The following MDGA2 variants were observed in gnomAD, a reference collection of about 807,000 sequenced individuals.
MDGA2 encodes MAM domain containing glycosylphosphatidylinositol anchor 2.
A neutral mutation model predicts 117.8 loss-of-function variants in MDGA2; 40 were observed. The observed-to-expected ratio is 0.34, with a 90% CI of 0.26 to 0.44. The LOEUF is 0.44. Ranked by LOEUF, MDGA2 falls within the 20% of genes least tolerant of loss-of-function variation. MDGA2 has a pLI of 1.00. For missense variants in MDGA2, 1,123 were observed against 1,250.6 expected, an observed-to-expected ratio of 0.90 and a Z score of 1.54; for synonymous variants, 452 against 439.0, an observed-to-expected ratio of 1.03 and a Z score of -0.37.
rs145256696 is a variant in MDGA2 at position 47,537,659 on chromosome 14, T to A, written c.280+136858A>T. Among the ~76,000 whole-genome samples the A allele has an allele frequency of 5.4e-3, 784 of 144,942 alleles. 9 individuals carry two copies. Among genetic ancestry groups the A allele is most frequent in the African/African-American group, 0.019 (745 of 39,740 alleles). ...TTGTTACAGTACTAAATGTGTCACA[T>A]TACTGTTTAAATTCATCAGAGACAG... On this transcript the variant is annotated intron_variant, in intron 1 of 16. Coordinates refer to ENST00000399232, the MANE Select transcript of MDGA2 (RefSeq NM_001113498.3).
chr14:47,363,051 T>C (rs1891157527), intron 1 of MDGA2, among the ~76,000 whole-genome samples: 1 of 152,184 alleles, frequency 6.6e-6, no homozygotes, highest in Non-Finnish European at 1.5e-5. Flanking sequence ...CTCTTTTCTT[T>C]CCCTTATGAA....
chr14:47,659,366 G>A (rs980140211), intron 1 of MDGA2, among the ~76,000 whole-genome samples: 1 of 152,178 alleles, frequency 6.6e-6, no homozygotes, highest in African/African-American at 2.4e-5. Flanking sequence ...TGTTGGGAGG[G>A]TGACAGCTAT....
chr14:46,883,411 C>T (rs1010976939), intron 10 of MDGA2, among the ~76,000 whole-genome samples: 1 of 151,778 alleles, frequency 6.6e-6, no homozygotes, highest in Non-Finnish European at 1.5e-5. Context: ...AAACTATGAA[C>T]ATGCTAGGAA....
intron 6 of MDGA2, among the ~76,000 whole-genome samples, chr14:47,074,344 A>G (rs1481330786): frequency 6.6e-6 from 1 of 150,538 alleles, no homozygotes; most frequent in East Asian, 2.0e-4. Context: ...TCTGTCACCC[A>G]GGCTGGAGTG....
intron 1 of MDGA2, among the ~76,000 whole-genome samples, chr14:47,445,561 A>G (rs1432594165): frequency 2.0e-5 from 3 of 152,154 alleles, no homozygotes; most frequent in Admixed American, 2.0e-4. Flanking sequence ...ATGTTCGCCA[A>G]CTTCCTTTGT....
intron 3 of MDGA2, among the ~76,000 whole-genome samples, chr14:47,144,876 C>T (rs1882877142): frequency 6.8e-6 from 1 of 146,472 alleles, no homozygotes; most frequent in Non-Finnish European, 1.5e-5. Context: ...TCTTAAACTC[C>T]TGGCTTCAAG....
intron 6 of MDGA2, among the ~76,000 whole-genome samples, chr14:47,094,418 T>C (rs1025025202): frequency 1.3e-5 from 2 of 152,038 alleles, no homozygotes; most frequent in African/African-American, 4.8e-5. Flanking sequence ...GAGAAAATCA[T>C]ACCCTAGGCA....
chr14:47,110,448 G>C (rs1880977955), intron 5 of MDGA2, among the ~76,000 whole-genome samples: 5 of 152,082 alleles, frequency 3.3e-5, no homozygotes, highest in Admixed American at 3.3e-4. Flanking sequence ...TGATTTCATA[G>C]CTATAGTTTT....
intron 2 of MDGA2, among the ~76,000 whole-genome samples, chr14:47,242,276 G>A (rs1006667464): frequency 7.9e-5 from 12 of 152,046 alleles, no homozygotes; most frequent in South Asian, 2.1e-4. Flanking sequence ...AGGTGACAGC[G>A]TGCTGGCAGT....
chr14:47,612,454 A>G (rs1566541247), intron 1 of MDGA2, among the ~76,000 whole-genome samples: 1 of 152,200 alleles, frequency 6.6e-6, no homozygotes, highest in Non-Finnish European at 1.5e-5. Flanking sequence ...TTTAACAACA[A>G]TAACAAAAAC....
chr14:47,471,484 ATGTT>A (rs1236441175), intron 1 of MDGA2, among the ~76,000 whole-genome samples: 1 of 152,150 alleles, frequency 6.6e-6, no homozygotes, highest in African/African-American at 2.4e-5. Flanking sequence ...TTTTAGGAAA[ATGTT>A]TATTTATTCA....
At chr14:47,666,088 A>C (rs1296944593) in intron 1 of MDGA2, among the ~76,000 whole-genome samples, 2 of 151,874 alleles carry the variant, frequency 1.3e-5, no homozygotes, top group Non-Finnish European at 2.9e-5. Context: ...ACCAATCAGC[A>C]CTCTGTATCT....
intron 3 of MDGA2, among the ~76,000 whole-genome samples, chr14:47,211,442 T>C (rs545403144): frequency 1.3e-5 from 2 of 152,250 alleles, no homozygotes; most frequent in East Asian, 3.9e-4. Flanking sequence ...TTAATTTTCA[T>C]AGGAACAATG....
chr14:47,039,802 T>C (rs1049178289), intron 7 of MDGA2, among the ~76,000 whole-genome samples: 5 of 152,198 alleles, frequency 3.3e-5, no homozygotes, highest in African/African-American at 1.2e-4. Context: ...GTAGTATAAA[T>C]AGCTATAATG....
At chr14:47,176,340 C>G (rs572971256) in intron 3 of MDGA2, among the ~76,000 whole-genome samples, 1 of 152,254 alleles carries the variant, frequency 6.6e-6, no homozygotes, top group East Asian at 1.9e-4. Flanking sequence ...CCGGCATTGC[C>G]AAGTCAATCC....
At chr14:47,653,198 C>T (rs1030661045) in intron 1 of MDGA2, among the ~76,000 whole-genome samples, 3 of 152,030 alleles carry the variant, frequency 2.0e-5, no homozygotes, top group African/African-American at 7.2e-5. Context: ...CTATGGAACA[C>T]AAAAAACTCA....
At chr14:47,260,123 AG>A (rs1291613538) in intron 2 of MDGA2, among the ~76,000 whole-genome samples, 2 of 152,216 alleles carry the variant, frequency 1.3e-5, no homozygotes, top group African/African-American at 4.8e-5. Context: ...GAGGAGAAAA[AG>A]GATAGCATGG....
intron 1 of MDGA2, among the ~76,000 whole-genome samples, chr14:47,572,773 G>T (rs778786478): frequency 1.1e-4 from 17 of 152,086 alleles, no homozygotes; most frequent in Non-Finnish European, 2.4e-4. Context: ...TTTCACAATG[G>T]AAAATTAACT....
rs566504486 is a variant in MDGA2, at chr14:47,242,786, G to C, written c.421-24591C>G. Among the ~76,000 whole-genome samples the C allele has an allele frequency of 1.5e-4, 23 of 151,988 alleles. No homozygotes were observed. The South Asian group carries it at 4.2e-3, about 27-fold the overall frequency. ...CCGACGAGCACCACCCCCTGCTCCA[G>C]GGCACCGAGTCCCATCGACCACCCA... On this transcript the variant is annotated intron_variant, in intron 2 of 16. Coordinates refer to ENST00000399232, the MANE Select transcript of MDGA2 (RefSeq NM_001113498.3).
Sources: allele counts gnomAD v4.1 joint callset (sites outside exome capture counted in the v4.1 genomes callset), GRCh38; gene constraint gnomAD v4.1.1; transcripts MANE v1.5; gene names NCBI Gene and HGNC (gene_info 2026-07-23, HGNC 2026-07-21).